The following CHCHD3 variants were observed in gnomAD, a reference collection of about 807,000 sequenced individuals.
CHCHD3 encodes coiled-coil-helix-coiled-coil-helix domain containing 3.
In CHCHD3, 20 loss-of-function variants were observed where a neutral mutation model predicts 38.2. That is an observed-to-expected ratio of 0.52 (90% CI 0.37 to 0.76). CHCHD3 has a LOEUF of 0.76. Ranked by LOEUF, CHCHD3 falls within the 30% of genes least tolerant of loss-of-function variation. The pLI is 0.00. For missense variants in CHCHD3, 245 were observed against 279.2 expected (o/e 0.88, Z 0.87); for synonymous variants, 82 against 100.0 (o/e 0.82, Z 1.07).
intron 4 of CHCHD3, among the ~76,000 whole-genome samples, chr7:132,924,805 A>G (rs1367424885): frequency 1.3e-5 from 2 of 152,196 alleles, no homozygotes; most frequent in Admixed American, 1.3e-4. Flanking sequence ...CAGCTCTTTC[A>G]CCGTCTTAAA....
chr7:133,010,289 G>A (rs1297421345), intron 3 of CHCHD3, among the ~76,000 whole-genome samples: 2 of 151,996 alleles, frequency 1.3e-5, no homozygotes, highest in Non-Finnish European at 2.9e-5. Flanking sequence ...GGAATATGAG[G>A]AGCATCATCT....
intron 3 of CHCHD3, among the ~76,000 whole-genome samples, chr7:133,018,021 G>A (rs1250783788): frequency 6.6e-6 from 1 of 152,086 alleles, no homozygotes; most frequent in Non-Finnish European, 1.5e-5. Flanking sequence ...GAACTGGTTA[G>A]GTCTTTTTAT....
intron 6 of CHCHD3, among the ~76,000 whole-genome samples, chr7:132,815,309 T>C (rs1037328109): frequency 6.6e-6 from 1 of 152,174 alleles, no homozygotes; most frequent in African/African-American, 2.4e-5. Context: ...CTAAGGCCTT[T>C]GCCCAGGAGA....
At chr7:133,020,320 CT>C (rs1813144860) in intron 3 of CHCHD3, among the ~76,000 whole-genome samples, 1 of 152,092 alleles carries the variant, frequency 6.6e-6, no homozygotes, top group South Asian at 2.1e-4. Flanking sequence ...TCTAAGGCAA[CT>C]TTTAAGTATG....
intron 4 of CHCHD3, among the ~76,000 whole-genome samples, chr7:132,941,941 A>C (rs1810776431): frequency 6.6e-6 from 1 of 152,170 alleles, no homozygotes; most frequent in Non-Finnish European, 1.5e-5. Flanking sequence ...CAAACTCTCA[A>C]AACAGTTCTC....
chr7:133,022,291 GAA>G, intron 3 of CHCHD3: 1 of 391,996 alleles, frequency 2.6e-6, no homozygotes, highest in South Asian at 2.0e-5. Flanking sequence ...CATTTGGAGG[GAA>G]AAGAGAAAAC....
chr7:133,035,842 C>T lies in CHCHD3; in HGVS notation c.170-11215G>A, dbSNP rs1036830686. 8.1e-6 allele frequency: 13 copies of T among 1,613,158 alleles called. No individual in the cohort carries two copies. The highest frequency in any genetic ancestry group is 3.3e-5 in the Admixed American group (2 of 60,016). ...GGTGCGGAGAGCACGCGGATCTGAG[C>T]CCCGCTGTACTGAGCAGCGATGAGA... On this transcript the variant is annotated intron_variant, in intron 2 of 7. Coordinates refer to ENST00000262570, the MANE Select transcript of CHCHD3 (RefSeq NM_017812.4). This position sits in a 1 kb window ranked among gnomAD's most constrained non-coding sequence, Gnocchi z 4.7.
rs116027949 is a variant in CHCHD3 at position 132,819,781 on chromosome 7, C to T, written c.524+18618G>A. 4.4e-3 allele frequency among the ~76,000 whole-genome samples: 677 copies of T among 152,288 alleles called. 4 individuals are homozygous for T. The highest frequency in any genetic ancestry group is 0.016 in the African/African-American group (649 of 41,560). On this transcript the variant is annotated intron_variant, in intron 6 of 7. Transcript: ENST00000262570. ...AATTAACACATGAGACAGGTCCTAA[C>T]AAAAGGCTGAGTTTATCGGGAGGAA...
chr7:132,924,097 G>C (rs1423872411), intron 4 of CHCHD3, among the ~76,000 whole-genome samples: 15 of 152,136 alleles, frequency 9.9e-5, no homozygotes, highest in Admixed American at 9.8e-4. Flanking sequence ...TTTGACCACA[G>C]CTGGAGAAAT....
At chr7:133,079,008 G>T (rs1166109671) in intron 1 of CHCHD3, among the ~76,000 whole-genome samples, 5 of 152,096 alleles carry the variant, frequency 3.3e-5, no homozygotes, top group African/African-American at 1.2e-4. Context: ...TGTCTCAGAA[G>T]GGAACAAAGT....
At chr7:133,050,723 A>C (rs901246088) in intron 2 of CHCHD3, among the ~76,000 whole-genome samples, 1 of 152,168 alleles carries the variant, frequency 6.6e-6, no homozygotes, top group African/African-American at 2.4e-5. Context: ...ATAAAATCTT[A>C]AAAATATGCC....
At chr7:132,861,579 A>C (rs1808492257) in intron 5 of CHCHD3, among the ~76,000 whole-genome samples, 1 of 152,160 alleles carries the variant, frequency 6.6e-6, no homozygotes, top group African/African-American at 2.4e-5. Flanking sequence ...TAGGGGAAAA[A>C]AGATGTCTAA....
chr7:133,072,145 G>A (rs919156253), intron 1 of CHCHD3, among the ~76,000 whole-genome samples: 3 of 149,358 alleles, frequency 2.0e-5, no homozygotes, highest in Non-Finnish European at 2.9e-5. Flanking sequence ...GCTCCAGCTT[G>A]GGCAACAGAG....
chr7:132,806,095 G>T (rs1252769335), intron 6 of CHCHD3, among the ~76,000 whole-genome samples: 1 of 152,176 alleles, frequency 6.6e-6, no homozygotes, highest in Non-Finnish European at 1.5e-5. Context: ...GGGTGACAGG[G>T]AAGGAAGATG....
intron 4 of CHCHD3, among the ~76,000 whole-genome samples, chr7:132,953,922 CG>C (rs1169480744): frequency 6.6e-6 from 1 of 152,050 alleles, no homozygotes; most frequent in Admixed American, 6.6e-5. Context: ...GATAAATTAT[CG>C]GGTTGCCCTA....
intron 5 of CHCHD3, among the ~76,000 whole-genome samples, chr7:132,860,231 C>T (rs1426684050): frequency 6.6e-6 from 1 of 151,962 alleles, no homozygotes; most frequent in African/African-American, 2.4e-5. Flanking sequence ...TGTGCCACTG[C>T]ACTCCAGTCT....
intron 7 of CHCHD3, among the ~76,000 whole-genome samples, chr7:132,789,319 C>T (rs1256574059): frequency 6.6e-6 from 1 of 152,204 alleles, no homozygotes; most frequent in African/African-American, 2.4e-5. Context: ...TTTTGCTCAT[C>T]ATTCACGTAT....
intron 5 of CHCHD3, among the ~76,000 whole-genome samples, chr7:132,850,902 T>G (rs1489143387): frequency 6.6e-6 from 1 of 152,224 alleles, no homozygotes; most frequent in Non-Finnish European, 1.5e-5. Flanking sequence ...CTCTGAAGTA[T>G]CTACCTTCAT....
At chr7:132,970,767 TA>T (rs139837719) in intron 4 of CHCHD3, among the ~76,000 whole-genome samples, 27 of 147,622 alleles carry the variant, frequency 1.8e-4, no homozygotes, top group Admixed American at 1.1e-3. Flanking sequence ...CATTTAGATT[TA>T]AAAAAAAAAG....
Sources: allele counts gnomAD v4.1 joint callset (sites outside exome capture counted in the v4.1 genomes callset), GRCh38; gene constraint gnomAD v4.1.1; non-coding constraint Gnocchi (gnomAD v3.1); transcripts MANE v1.5; gene names NCBI Gene and HGNC (gene_info 2026-07-23, HGNC 2026-07-21).